Variants in VPS37A observed in about 807,000 individuals in gnomAD.
VPS37A encodes the protein VPS37A subunit of ESCRT-I.
Under a neutral mutation model 49.8 loss-of-function variants are expected in VPS37A, and 30 were observed. The observed-to-expected ratio is 0.60, with a 90% CI of 0.45 to 0.82. The LOEUF (loss-of-function observed/expected upper bound fraction) is 0.82. Ranked by LOEUF, VPS37A falls within the 40% of genes least tolerant of loss-of-function variation. The pLI is 0.00. For missense variants in VPS37A, 593 were observed against 464.4 expected (o/e 1.28, Z -2.55); for synonymous variants, 195 against 160.6 (o/e 1.21, Z -1.62).
At chr8:17,326,685 T>C in the VPS37A span, among the ~76,000 whole-genome samples, 3 of 152,186 alleles carry the variant, frequency 2.0e-5, no homozygotes, top group South Asian at 2.1e-4. Flanking sequence ...AGCCAACATG[T>C]GGGGCCCTCA....
the VPS37A span, among the ~76,000 whole-genome samples, chr8:17,308,349 A>G: frequency 1.7e-4 from 26 of 152,312 alleles, no homozygotes; most frequent in African/African-American, 6.0e-4. Context: ...CATGTTAAGA[A>G]GTTTATCTAA....
chr8:17,277,461 C>T (rs1238571474), intron 6 of VPS37A, among the ~76,000 whole-genome samples: 2 of 152,008 alleles, frequency 1.3e-5, no homozygotes, highest in Non-Finnish European at 2.9e-5. Context: ...ACGTATCCAT[C>T]ATGTGGCAAC....
the VPS37A span, among the ~76,000 whole-genome samples, chr8:17,315,343 G>C: frequency 1.3e-5 from 2 of 152,180 alleles, no homozygotes; most frequent in Non-Finnish European, 2.9e-5. Context: ...TTAGGGTTGT[G>C]AGGGAAATAA....
chr8:17,251,001 A>G (rs1186023286), intron 1 of VPS37A, among the ~76,000 whole-genome samples: 2 of 152,166 alleles, frequency 1.3e-5, no homozygotes, highest in Non-Finnish European at 2.9e-5. Context: ...TCCTGACTTT[A>G]TGGACAGGAG....
At chr8:17,308,531 C>T in the VPS37A span, among the ~76,000 whole-genome samples, 1 of 152,184 alleles carries the variant, frequency 6.6e-6, no homozygotes, top group Admixed American at 6.5e-5. Flanking sequence ...TAAGAAAACA[C>T]AGTAAAACTT....
chr8:17,321,477 G>C, the VPS37A span, among the ~76,000 whole-genome samples: 21 of 152,376 alleles, frequency 1.4e-4, no homozygotes, highest in African/African-American at 4.6e-4. Flanking sequence ...TAACCACTGA[G>C]AGGGTGTTTT....
At chr8:17,259,427 C>T (rs1183008189) in intron 1 of VPS37A, among the ~76,000 whole-genome samples, 1 of 152,012 alleles carries the variant, frequency 6.6e-6, no homozygotes, top group Non-Finnish European at 1.5e-5. Flanking sequence ...GCATTGTGGT[C>T]AGAAAACATA....
At chr8:17,283,825 G>A (rs1242500467) in intron 9 of VPS37A, among the ~76,000 whole-genome samples, 3 of 152,126 alleles carry the variant, frequency 2.0e-5, no homozygotes, top group South Asian at 2.1e-4. Context: ...TTGAGATTCC[G>A]TATGAATTTT....
At chr8:17,267,026 C>T (rs550396202) in intron 2 of VPS37A, among the ~76,000 whole-genome samples, 116 of 152,248 alleles carry the variant, frequency 7.6e-4, no homozygotes, top group African/African-American at 2.8e-3. Flanking sequence ...CCGCCTCGGC[C>T]TCCCAAAGTG....
intron 1 of VPS37A, 52 bp downstream of exon 1, chr8:17,247,421 G>GGGGGGGGGGGGC: frequency 2.4e-5 from 4 of 163,906 alleles, no homozygotes; most frequent in Admixed American, 9.7e-5. Context: ...GGGAGGGCGG[G>GGGGGGGGGGGGC]CTTGTCCTAA....
At chr8:17,323,742 C>G in the VPS37A span, among the ~76,000 whole-genome samples, 1 of 152,122 alleles carries the variant, frequency 6.6e-6, no homozygotes, top group Admixed American at 6.5e-5. Flanking sequence ...CACTGGCAAG[C>G]AAATATCGAA....
intron 6 of VPS37A, 191 bp from the exon 7 acceptor site, chr8:17,279,837 C>A (rs370337713): frequency 2.9e-6 from 2 of 692,914 alleles, no homozygotes; most frequent in East Asian, 6.2e-5. Context: ...GAATATATTA[C>A]AGACTGCTCT....
At chr8:17,303,882 A>G (rs1157870683), downstream of VPS37A, among the ~76,000 whole-genome samples, 2 of 152,184 alleles carry the variant, frequency 1.3e-5, no homozygotes, top group South Asian at 2.1e-4. Context: ...TACAATCTTA[A>G]TGTAATTTCC....
chr8:17,310,841 T>C, the VPS37A span, among the ~76,000 whole-genome samples: 1 of 152,184 alleles, frequency 6.6e-6, no homozygotes. Context: ...TACCAAATCA[T>C]GGTTAAGAGG....
chr8:17,308,192 C>G, the VPS37A span, among the ~76,000 whole-genome samples: 1 of 152,006 alleles, frequency 6.6e-6, no homozygotes, highest in East Asian at 1.9e-4. Flanking sequence ...AAAAGGTTGC[C>G]TAATATTAAC....
intron 6 of VPS37A, among the ~76,000 whole-genome samples, 162 bp downstream of exon 6, chr8:17,276,629 T>C (rs1003034100): frequency 6.6e-6 from 1 of 152,170 alleles, no homozygotes; most frequent in African/African-American, 2.4e-5. Context: ...TTAGGTCCTA[T>C]AGGTTACATT....
In VPS37A at chr8:17,295,075, A is replaced by G. The variant is rs965191493; in HGVS notation, c.*89A>G. On this transcript the variant is annotated 3_prime_UTR_variant, in exon 12 of 12. Coordinates refer to ENST00000324849, the MANE Select transcript of VPS37A (RefSeq NM_152415.3). The stretch of plus-strand genomic sequence containing the variant: ...TTTATGGTTTGCAAACTGGCATTTC[A>G]TCAGTGGCTAAATTCACAGATATCC... The G allele has an allele frequency of 6.5e-6, 1 of 152,674 alleles. No individual in the cohort carries two copies. The highest frequency in any genetic ancestry group is 2.4e-5 in the African/African-American group (1 of 41,468). 9.5% of individuals were successfully genotyped at this position (152,674 alleles called of 1,614,324 possible).
intron 1 of VPS37A, among the ~76,000 whole-genome samples, chr8:17,263,052 C>G (rs1813105659): frequency 1.4e-5 from 2 of 140,044 alleles, no homozygotes; most frequent in African/African-American, 2.7e-5. Context: ...TGAGTGAAAC[C>G]CCATCTCAAA....
chr8:17,284,023 T>G (rs959577201), intron 9 of VPS37A, among the ~76,000 whole-genome samples: 1 of 152,222 alleles, frequency 6.6e-6, no homozygotes, highest in Admixed American at 6.5e-5. Context: ...GTTTTCTGTT[T>G]ATCAGTCTTT....
Sources: allele counts gnomAD v4.1 joint callset (sites outside exome capture counted in the v4.1 genomes callset), GRCh38; gene constraint gnomAD v4.1.1; transcripts MANE v1.5; gene names NCBI Gene and HGNC (gene_info 2026-07-23, HGNC 2026-07-21).